Variants in PPP2R3B observed in about 807,000 individuals in gnomAD.
The protein encoded by PPP2R3B is serine/threonine-protein phosphatase 2A regulatory subunit B'' subunit beta.
PPP2R3B carries 68 observed loss-of-function variants against 72.9 expected under a neutral mutation model. The ratio of observed to expected loss-of-function variants is 0.93; its 90% CI spans 0.77 to 1.14. The LOEUF is 1.14. Ranked by LOEUF, PPP2R3B falls within the 50% of genes most tolerant of loss-of-function variation. The pLI is 0.00. For missense variants in PPP2R3B, 1,018 were observed against 842.0 expected, an observed-to-expected ratio of 1.21 and a Z score of -2.59; for synonymous variants, 466 against 375.8, an observed-to-expected ratio of 1.24 and a Z score of -2.78.
chrX:345,390 A>G, intron 7 of PPP2R3B, 126 bp downstream of exon 7: 1 of 1,311,444 alleles, frequency 7.6e-7, no homozygotes, highest in Non-Finnish European at 1.1e-6. Context: ...GGCGAGTGCG[A>G]AGGAGAGGCA....
chrX:342,894 G>T (rs867338832), intron 7 of PPP2R3B, among the ~76,000 whole-genome samples: 2 of 29,780 alleles, frequency 6.7e-5, no homozygotes, highest in Admixed American at 3.1e-4. Flanking sequence ...GAGGCGGGAG[G>T]GAGACCTCAG....
chrX:334,158 CG>C lies in PPP2R3B; in HGVS notation c.*208del. The C allele has an allele frequency of 4.1e-6, 2 of 485,560 alleles. No individual in the cohort carries two copies. The allele number at this position is 485,560 out of a possible 1,614,324, so 30.1% of individuals were successfully genotyped here. A position where few individuals can be genotyped will look rare whatever the true frequency, so the allele number is the denominator to read the frequency against. On this transcript the variant is annotated 3_prime_UTR_variant, in exon 13 of 13. Transcript: ENST00000390665. ...TCCGTGTGGGAACCCGTCCCATTCA[CG>C]CGCGGCCCTACGTGTCCCCCTGGCA...
Position 346,761 on chromosome X carries a change from C to T in PPP2R3B, c.732G>A (p.Thr244=), listed in dbSNP as rs756948916. Residue 244 remains threonine (T), a synonymous_variant, in exon 5 of 13, where the codon ACG becomes ACA. Transcript: ENST00000390665. ...CCTTCAGGAACGACAGCCCCGGGTG[C>T]GTGTTCACCACGTCCTGCGGGTGGG... ...FVPFLQDVVN[T]HPGLSFLKEA... 1 of 1,609,922 alleles carries T rather than the reference C, an allele frequency of 6.2e-7. No homozygotes were observed. Among genetic ancestry groups the T allele is most frequent in the Non-Finnish European group, 8.5e-7 (1 of 1,178,470 alleles).
intron 1 of PPP2R3B, among the ~76,000 whole-genome samples, chrX:369,156 G>A (rs1164984927): frequency 1.3e-5 from 2 of 152,148 alleles, no homozygotes; most frequent in East Asian, 1.9e-4. Context: ...AAACGTAGCC[G>A]GTGAGGCCAG....
chrX:338,925 C>T (rs765287540), intron 10 of PPP2R3B, 29 bp from the exon 11 acceptor site: 22 of 1,593,402 alleles, frequency 1.4e-5, no homozygotes, highest in Middle Eastern at 1.8e-4. Context: ...GTCCAAGGCG[C>T]GTGAGCCCGG....
At chrX:379,970 G>A (rs1237931312) in intron 1 of PPP2R3B, among the ~76,000 whole-genome samples, 2 of 152,114 alleles carry the variant, frequency 1.3e-5, no homozygotes, top group African/African-American at 2.4e-5. Flanking sequence ...ACAGACGTAC[G>A]TACTCAACTG....
chrX:364,667 G>A (rs1391550384), intron 1 of PPP2R3B, among the ~76,000 whole-genome samples: 2 of 121,070 alleles, frequency 1.7e-5, no homozygotes, highest in Non-Finnish European at 3.4e-5. Context: ...GCAGTGAGCT[G>A]AGATCGCACC....
intron 1 of PPP2R3B, among the ~76,000 whole-genome samples, chrX:372,584 A>T (rs2071889826): frequency 6.6e-6 from 1 of 151,936 alleles, no homozygotes; most frequent in Non-Finnish European, 1.5e-5. Flanking sequence ...ATCACATGGT[A>T]CTCGTAAAAC....
rs1445542074 is a variant in PPP2R3B, at chrX:364,043, G to A, written c.325-2453C>T. Among the ~76,000 whole-genome samples, 7 of 152,372 alleles carry A rather than the reference G, an allele frequency of 4.6e-5. No individual in the cohort carries two copies. The South Asian group carries it at 6.2e-4, about 14-fold the overall frequency. ...CACAGCTGCCTGGAAGGAAGAACCC[G>A]GGGAAGCCCGTGGAGCCTGAACAGG... On this transcript the variant is annotated intron_variant, in intron 1 of 12. Coordinates refer to ENST00000390665, the MANE Select transcript of PPP2R3B (RefSeq NM_013239.5).
rs1471025493 is a variant in PPP2R3B at position 334,520 on chromosome X, G to A, written c.1578-3C>T. On this transcript the variant is annotated splice_polypyrimidine_tract_variant and splice_region_variant and intron_variant, in intron 12 of 12. Transcript: ENST00000390665. ...CAGGGCTGAGCTCGGCCTCGAACCT[G>A]CAACGAGGGGATGGCGAAGACGTGG... The A allele has an allele frequency of 3.3e-6, 5 of 1,533,700 alleles. No homozygotes were observed. In the African/African-American group the frequency reaches 4.2e-5, roughly 13 times the overall value.
At chrX:337,385 G>A (rs6645004) in intron 12 of PPP2R3B, 49,188 of 152,042 alleles carry the variant, frequency 0.32, 8,210 homozygotes, top group East Asian at 0.39. Context: ...CGGCCAGAAG[G>A]AGCCTATTCT....
At chrX:351,968 TACAGGGATG>T (rs1248469207) in intron 2 of PPP2R3B, among the ~76,000 whole-genome samples, 4 of 152,134 alleles carry the variant, frequency 2.6e-5, no homozygotes, top group Admixed American at 6.5e-5. Context: ...GTGCTGGGAC[TACAGGGATG>T]ACACTGCAAC....
rs150442127 is a variant in PPP2R3B at position 351,423 on chromosome X, G to A, written c.511-3730C>T. Among the ~76,000 whole-genome samples, 12 of 152,322 alleles carry A rather than the reference G, an allele frequency of 7.9e-5. No homozygotes were observed. In the East Asian group the frequency reaches 9.7e-4, roughly 12 times the overall value. On this transcript the variant is annotated intron_variant, in intron 2 of 12. Coordinates refer to ENST00000390665, the MANE Select transcript of PPP2R3B (RefSeq NM_013239.5). Reference sequence around the variant, plus strand: ...CTCCTCACCGCGTGCAAGACACACCGTCATGACCCGGTGGCAGGGATGGAG... The same window carrying A: ...CTCCTCACCGCGTGCAAGACACACCATCATGACCCGGTGGCAGGGATGGAG...
In PPP2R3B at chrX:334,567, T is replaced by C. The variant is rs745494415; in HGVS notation, c.1578-50A>G. 3.9e-5 allele frequency: 55 copies of C among 1,411,668 alleles called. No homozygotes were observed. The East Asian group carries it at 7.5e-4, about 19-fold the overall frequency. 87.4% of individuals were successfully genotyped at this position (1,411,668 alleles called of 1,614,324 possible). ...GTGGCCAGCAGCGCGGAGCAGGCCC[T>C]GGGCCGTTTTCCGGGAAACACAGGC... On this transcript the variant is annotated intron_variant, in intron 12 of 12. Transcript: ENST00000390665.
chrX:341,693 G>A, intron 8 of PPP2R3B, 190 bp downstream of exon 8: 5 of 718,374 alleles, frequency 7.0e-6, no homozygotes, highest in South Asian at 3.4e-5. Flanking sequence ...CAGACTTCGC[G>A]TGACAGTCTT....
chrX:345,318 CACGCGGGGACCCAG>C (rs1569384767), intron 7 of PPP2R3B, 184 bp downstream of exon 7: 1 of 796,472 alleles, frequency 1.3e-6, no homozygotes, highest in Admixed American at 2.0e-5. Flanking sequence ...GGCAGAGGCG[CACGCGGGGACCCAG>C]ACACGGGGCA....
At chrX:347,829 C>A in intron 2 of PPP2R3B, 136 bp from the exon 3 acceptor site, 2 of 642,074 alleles carry the variant, frequency 3.1e-6, no homozygotes, top group South Asian at 2.1e-5. Flanking sequence ...CGCGGCCTGT[C>A]TGGGCATCTG....
intron 10 of PPP2R3B, among the ~76,000 whole-genome samples, chrX:339,212 G>C (rs1023815570): frequency 1.3e-5 from 2 of 149,640 alleles, no homozygotes; most frequent in Non-Finnish European, 3.0e-5. Flanking sequence ...GGAGCTCCCC[G>C]TGCAGGCAGA....
At position 386,544 on chromosome X, in the gene PPP2R3B, C is replaced by G; in HGVS notation, c.148G>C (p.Gly50Arg). 1 of 1,432,166 alleles carries G rather than the reference C, an allele frequency of 7.0e-7. No homozygotes were observed. The highest frequency in any genetic ancestry group is 9.2e-7 in the Non-Finnish European group (1 of 1,090,246). The allele number at this position is 1,432,166 out of a possible 1,614,324, so 88.7% of individuals were successfully genotyped here. The change falls in exon 1 of 13, where the codon GGG becomes CGG. Residue 50 changes from glycine to arginine, a missense_variant. Coordinates refer to ENST00000390665, the MANE Select transcript of PPP2R3B (RefSeq NM_013239.5). ...CAGGCCCCGGGCTGCTCCCCGTCCC[C>G]CGGGGTCGGCTGGTCCCGCCCGGGC... ...KAPGRDQPTP[G>R]DGEQPGAWPT...
Sources: allele counts gnomAD v4.1 joint callset (sites outside exome capture counted in the v4.1 genomes callset), GRCh38; gene constraint gnomAD v4.1.1; transcripts MANE v1.5; gene names NCBI Gene and HGNC (gene_info 2026-07-23, HGNC 2026-07-21).